The following PALM2AKAP2 variants were observed in gnomAD, a reference collection of about 807,000 sequenced individuals.
PALM2AKAP2 encodes PALM2 and AKAP2 fusion.
A neutral mutation model predicts 71.5 loss-of-function variants in PALM2AKAP2; 37 were observed. That is an observed-to-expected ratio of 0.52 (90% CI 0.40 to 0.68). The LOEUF (loss-of-function observed/expected upper bound fraction) is 0.68. PALM2AKAP2 is among the 30% of genes least tolerant of loss of function. The probability of loss-of-function intolerance (pLI) is 0.00; values close to 1 mark genes in which losing one functional copy is unlikely to be tolerated. For missense variants in PALM2AKAP2, 1,224 were observed against 1,191.8 expected, an observed-to-expected ratio of 1.03 and a Z score of -0.40; for synonymous variants, 468 against 478.8, an observed-to-expected ratio of 0.98 and a Z score of 0.29.
At chr9:109,905,516 A>G (rs1315361696) in intron 3 of PALM2AKAP2, among the ~76,000 whole-genome samples, 1 of 152,228 alleles carries the variant, frequency 6.6e-6, no homozygotes, top group African/African-American at 2.4e-5. Context: ...TGCCCGTGAG[A>G]AACCAACAGT....
chr9:110,085,505 C>T (rs1303740816), intron 1 of PALM2AKAP2, among the ~76,000 whole-genome samples: 1 of 150,162 alleles, frequency 6.7e-6, no homozygotes, highest in East Asian at 1.9e-4. Flanking sequence ...TGATGTTTCA[C>T]CGATCTGGAA....
intron 1 of PALM2AKAP2, among the ~76,000 whole-genome samples, chr9:109,807,227 G>T (rs540284601): frequency 1.1e-4 from 17 of 152,310 alleles, no homozygotes; most frequent in African/African-American, 4.1e-4. Flanking sequence ...ATGAAATGGG[G>T]ATCACCATGG....
chr9:109,998,584 T>C (rs899468067), intron 6 of PALM2AKAP2, among the ~76,000 whole-genome samples: 1 of 143,892 alleles, frequency 6.9e-6, no homozygotes, highest in Non-Finnish European at 1.5e-5. Flanking sequence ...TCTGAATTGT[T>C]TGTGGCTCAG....
chr9:109,930,683 C>A (rs1022557402), intron 5 of PALM2AKAP2, among the ~76,000 whole-genome samples: 9 of 152,324 alleles, frequency 5.9e-5, no homozygotes, highest in Admixed American at 5.9e-4. Context: ...TTGCAATCCT[C>A]TTCAGCAAGA....
intron 1 of PALM2AKAP2, 52 bp from the exon 8 acceptor site, chr9:110,136,075 T>C: frequency 1.3e-6 from 2 of 1,514,826 alleles, no homozygotes; most frequent in African/African-American, 1.4e-5. Context: ...AGCATTCACA[T>C]CCATAAGAGA....
chr9:110,138,117 C>T lies in PALM2AKAP2; in HGVS notation c.2147C>T (p.Pro716Leu), dbSNP rs770306162. 5 of 1,614,052 alleles carry T rather than the reference C, an allele frequency of 3.1e-6. No homozygotes were observed. In the African/African-American group the frequency reaches 4.0e-5, roughly 13 times the overall value. Residue 716 changes from proline to leucine, a missense_variant, in exon 2 of 4, where the codon CCT becomes CTT. Physicochemically the swap from Pro to Leu is moderately conservative, Grantham distance 98. Coordinates refer to ENST00000374525, the Ensembl canonical transcript of PALM2AKAP2. ...AAGCCTCAGAGCATGTTTGAGCCAC[C>T]TCAGGTGTCTTCTCCTGTTCAAGAG...
chr9:109,786,759 C>A (rs764060375), intron 1 of PALM2AKAP2, among the ~76,000 whole-genome samples: 4 of 151,738 alleles, frequency 2.6e-5, no homozygotes, highest in Non-Finnish European at 4.4e-5. Context: ...GCTACTCTGA[C>A]AAACTTTAAA....
chr9:109,854,294 C>T (rs1373632162), intron 1 of PALM2AKAP2, among the ~76,000 whole-genome samples: 3 of 152,166 alleles, frequency 2.0e-5, no homozygotes, highest in Admixed American at 1.3e-4. Flanking sequence ...CTGGATTTGC[C>T]ATCATCAGCT....
At chr9:109,763,390 C>T (rs1206177689) in intron 1 of PALM2AKAP2, among the ~76,000 whole-genome samples, 2 of 152,170 alleles carry the variant, frequency 1.3e-5, no homozygotes, top group East Asian at 3.9e-4. Flanking sequence ...CTGCCTCCTA[C>T]TTGCTTTGCA....
At chr9:110,171,408 A>G (rs1836855606) in exon 4 of PALM2AKAP2, 2 of 152,112 alleles carry the variant, frequency 1.3e-5, no homozygotes, top group African/African-American at 2.4e-5. Flanking sequence ...AACTTTTGCT[A>G]TTACTCCTAT....
chr9:109,851,104 G>A (rs2131624101), intron 1 of PALM2AKAP2, among the ~76,000 whole-genome samples: 1 of 152,102 alleles, frequency 6.6e-6, no homozygotes, highest in South Asian at 2.1e-4. Context: ...ATGAACCCGG[G>A]AGGCAGAGCT....
At chr9:109,995,066 A>G (rs59400568) in intron 6 of PALM2AKAP2, among the ~76,000 whole-genome samples, 33,654 of 152,190 alleles carry the variant, frequency 0.22, 3,872 homozygotes, top group African/African-American at 0.27. Flanking sequence ...AATTCTTTTA[A>G]AAATATTCTC....
At chr9:109,669,950 A>G (rs908885315) in intron 1 of PALM2AKAP2, among the ~76,000 whole-genome samples, 4 of 149,964 alleles carry the variant, frequency 2.7e-5, no homozygotes, top group African/African-American at 9.8e-5. Flanking sequence ...TTTTGGGTTT[A>G]ATTTTTTCTT....
chr9:109,842,883 G>C (rs569005468), intron 1 of PALM2AKAP2, among the ~76,000 whole-genome samples: 1 of 152,168 alleles, frequency 6.6e-6, no homozygotes, highest in South Asian at 2.1e-4. Flanking sequence ...GCTCACGCCT[G>C]TAATCCCAGC....
exon 2 of PALM2AKAP2, chr9:110,138,102 G>A (rs1450588415): frequency 4.3e-6 from 7 of 1,614,070 alleles, no homozygotes; most frequent in Non-Finnish European, 5.9e-6. Context: ...AAGCCTCAGA[G>A]CATGTTTGAG....
chr9:110,001,119 T>A (rs1242171516), intron 6 of PALM2AKAP2, among the ~76,000 whole-genome samples: 1 of 152,212 alleles, frequency 6.6e-6, no homozygotes, highest in Admixed American at 6.5e-5. Context: ...ATTGCCTAGG[T>A]TTTCTTCTAG....
At chr9:110,059,188 C>T (rs1588083841) in intron 1 of PALM2AKAP2, among the ~76,000 whole-genome samples, 1 of 152,170 alleles carries the variant, frequency 6.6e-6, no homozygotes, top group African/African-American at 2.4e-5. Context: ...GTGTGAGCCA[C>T]CGCGCCCAGC....
intron 3 of PALM2AKAP2, among the ~76,000 whole-genome samples, chr9:109,921,802 C>T (rs959159749): frequency 6.6e-6 from 1 of 152,156 alleles, no homozygotes; most frequent in Non-Finnish European, 1.5e-5. Flanking sequence ...GGCTAGATAC[C>T]ATGGGGACTT....
intron 1 of PALM2AKAP2, among the ~76,000 whole-genome samples, chr9:109,700,254 G>C (rs1040788281): frequency 1.3e-5 from 2 of 152,100 alleles, no homozygotes; most frequent in Non-Finnish European, 2.9e-5. Context: ...TTGAATCATG[G>C]GGGTGGGTTT....
Sources: gnomAD v4.1 joint callset for allele counts (sites outside exome capture counted in the v4.1 genomes callset) on GRCh38, gnomAD v4.1.1 for gene constraint, MANE v1.5 for transcripts, NCBI Gene and HGNC (gene_info 2026-07-23, HGNC 2026-07-21) for gene names.